The following MRPL38 variants were observed in gnomAD, a reference collection of about 807,000 sequenced individuals.
MRPL38 encodes large ribosomal subunit protein mL38.
Under a neutral mutation model 52.1 loss-of-function variants are expected in MRPL38, and 51 were observed. That is an observed-to-expected ratio of 0.98 (90% CI 0.78 to 1.24). The LOEUF is 1.24. Among genes scored for constraint, MRPL38 ranks in the 50% most tolerant of loss-of-function variants. MRPL38 has a pLI of 0.00. For missense variants in MRPL38, 527 were observed against 518.6 expected, an observed-to-expected ratio of 1.02 and a Z score of -0.16; for synonymous variants, 245 against 212.7, an observed-to-expected ratio of 1.15 and a Z score of -1.32.
intron 2 of MRPL38, 85 bp from the exon 3 acceptor site, chr17:75,902,239 G>T: frequency 7.0e-7 from 1 of 1,419,074 alleles, no homozygotes; most frequent in Non-Finnish European, 9.6e-7. Context: ...GAGTAGCTGG[G>T]GCTACAAGTG....
At chr17:75,900,343 C>A (rs1469236911) in intron 6 of MRPL38, 1 of 152,374 alleles carries the variant, frequency 6.6e-6, no homozygotes. Flanking sequence ...CTCTCCCGCT[C>A]CTTCTCCCAC....
At position 75,899,655 on chromosome 17, in the gene MRPL38, G is replaced by C. The variant is rs753952457; in HGVS notation, c.730C>G (p.Arg244Gly). 1 of 1,580,446 alleles carries C rather than the reference G, an allele frequency of 6.3e-7. No individual in the cohort carries two copies. Among genetic ancestry groups the C allele is most frequent in the Non-Finnish European group, 8.6e-7 (1 of 1,161,568 alleles). ...CACGTCACCTGTCCTTCAGCCACCC[G>C]GTTACCCGGGATGTTGGTTCTGGGA... The part of the protein sequence containing the change: ...HWLLTNIPGN[R>G]VAEGQVTCPY... Residue 244 changes from arginine (R) to glycine (G), a missense_variant, in exon 7 of 9, where the codon CGG becomes GGG. Physicochemically the swap from Arg to Gly is moderately radical, Grantham distance 125. Coordinates refer to ENST00000309352, the MANE Select transcript of MRPL38 (RefSeq NM_032478.4).
At chr17:75,904,171 C>T (rs965048038) in intron 2 of MRPL38, 18 of 486,120 alleles carry the variant, frequency 3.7e-5, no homozygotes, top group Non-Finnish European at 7.5e-5. Context: ...AGGGCGCTTA[C>T]AATCTGGGGA....
chr17:75,903,845 A>G (rs574001979), intron 2 of MRPL38, among the ~76,000 whole-genome samples: 2 of 151,808 alleles, frequency 1.3e-5, no homozygotes, highest in South Asian at 2.1e-4. Flanking sequence ...CCTGCCTCAG[A>G]GGCCTCCCGA....
In MRPL38 at chr17:75,899,351, C is replaced by G. The variant is rs559927433; in HGVS notation, c.870-57G>C. On this transcript the variant is annotated intron_variant, in intron 7 of 8. Coordinates refer to ENST00000309352, the MANE Select transcript of MRPL38 (RefSeq NM_032478.4). The stretch of plus-strand genomic sequence containing the variant: ...GGAGTGGGGCACCAGAGCCCCTCAC[C>G]CCGCCACCCCAACAGGTAACCCTGA... 84 of 1,582,798 alleles carry G rather than the reference C, an allele frequency of 5.3e-5. 1 individual carries two copies. The highest frequency in any genetic ancestry group is 8.6e-7 in the Non-Finnish European group (1 of 1,163,314).
chr17:75,900,422 G>T (rs2065398543), intron 6 of MRPL38: 1 of 152,668 alleles, frequency 6.6e-6, no homozygotes, highest in African/African-American at 2.4e-5. Flanking sequence ...TACAGGTGAA[G>T]AAATGAGTTT....
At position 75,901,131 on chromosome 17, in the gene MRPL38, C is replaced by G; in HGVS notation, c.664+70G>C. ...TGGAGATCTCCACCTGGCCCCTCCC[C>G]CAGCCCCCCAGGGCCCTGGCTCATA... On this transcript the variant is annotated intron_variant, in intron 5 of 8. Coordinates refer to ENST00000309352, the MANE Select transcript of MRPL38 (RefSeq NM_032478.4). This position sits in a 1 kb window ranked among gnomAD's most constrained non-coding sequence, Gnocchi z 5.7. 3 of 1,600,320 alleles carry G rather than the reference C, an allele frequency of 1.9e-6. No individual in the cohort carries two copies. Among genetic ancestry groups the G allele is most frequent in the Non-Finnish European group, 2.6e-6 (3 of 1,174,308 alleles).
intron 6 of MRPL38, chr17:75,900,737 A>C: frequency 7.7e-7 from 1 of 1,295,272 alleles, no homozygotes; most frequent in East Asian, 3.0e-5. Flanking sequence ...AAAAAAAAAA[A>C]AGAAAAGAAA....
At chr17:75,904,308 G>A (rs1016163891) in intron 2 of MRPL38, 1 of 696,184 alleles carries the variant, frequency 1.4e-6, no homozygotes, top group Admixed American at 2.0e-5. Context: ...TTTAGGAGCT[G>A]GAACTCTAAT....
At chr17:75,899,770 C>T (rs1265813316) in intron 6 of MRPL38, 96 bp from the exon 7 acceptor site, 6 of 1,094,472 alleles carry the variant, frequency 5.5e-6, no homozygotes, top group Admixed American at 6.8e-5. Context: ...ACATGACTCC[C>T]TGGGAGGACA....
chr17:75,902,054 A>G lies in MRPL38; in HGVS notation c.348T>C (p.Asn116=), dbSNP rs201406413. The part of the protein sequence containing the change: ...RKQAIQELRA[N]VEEERAARLR... ...GGCGGGCAGCCCGCTCCTCTTCCAC[A>G]TTGGCCCGAAGCTCCTGGATGGCCT... The change falls in exon 3 of 9, where the codon AAT becomes AAC. Residue 116 remains asparagine (N), a synonymous_variant. Coordinates refer to ENST00000309352, the MANE Select transcript of MRPL38 (RefSeq NM_032478.4). 20 of 1,613,084 alleles carry G rather than the reference A, an allele frequency of 1.2e-5. No individual in the cohort carries two copies. The highest frequency in any genetic ancestry group is 3.3e-5 in the Admixed American group (2 of 59,928).
chr17:75,899,137 C>A, intron 8 of MRPL38, 21 bp downstream of exon 8: 2 of 1,591,050 alleles, frequency 1.3e-6, no homozygotes, highest in Non-Finnish European at 1.7e-6. Context: ...CCACCCAGTG[C>A]CCCAGCCCCA....
chr17:75,898,912 G>A lies in MRPL38; in HGVS notation c.1081C>T (p.Gln361Ter). ...TACCGGTCCAGGTAGCGCAGGGGCT[G>A]CCGGTGGGGGAAGCGCTTCTGCTTG... Reference protein sequence around the residue: ...HPKQKRFPHRQPLRYLDRYRD... With the variant: ...HPKQKRFPHR The change falls in exon 9 of 9, where the codon CAG (glutamine) becomes TAG (stop). Residue 361 changes from glutamine to a stop codon, truncating the protein, a stop_gained. Transcript: ENST00000309352. LOFTEE classifies it high-confidence loss of function. The A allele has an allele frequency of 6.2e-7, 1 of 1,611,078 alleles. No homozygotes were observed. Among genetic ancestry groups the A allele is most frequent in the Non-Finnish European group, 8.5e-7 (1 of 1,179,196 alleles).
In MRPL38 at chr17:75,901,077, C is replaced by T. The variant is rs1478265076; in HGVS notation, c.665-50G>A. On this transcript the variant is annotated intron_variant, in intron 5 of 8. Coordinates refer to ENST00000309352, the MANE Select transcript of MRPL38 (RefSeq NM_032478.4). This position sits in a 1 kb window ranked among gnomAD's most constrained non-coding sequence, Gnocchi z 5.7. The stretch of plus-strand genomic sequence containing the variant: ...CACGGCCCAGCCGACCACGGCCCTG[C>T]CACCCCCTCCCTTGTTAGGAGCCAG... 4.4e-6 allele frequency: 7 copies of T among 1,598,984 alleles called. No homozygotes were observed. Among genetic ancestry groups the T allele is most frequent in the Non-Finnish European group, 6.0e-6 (7 of 1,173,724 alleles).
At chr17:75,903,886 G>C (rs918379219) in intron 2 of MRPL38, among the ~76,000 whole-genome samples, 11 of 152,002 alleles carry the variant, frequency 7.2e-5, no homozygotes, top group African/African-American at 2.4e-4. Context: ...GCGACACCAC[G>C]CCCAGTTAAT....
At position 75,898,858 on chromosome 17, in the gene MRPL38, T is replaced by A; in HGVS notation, c.1135A>T (p.Ile379Phe). The A allele has an allele frequency of 1.9e-6, 3 of 1,612,114 alleles. No homozygotes were observed. In the African/African-American group the frequency reaches 4.0e-5, roughly 21 times the overall value. ...GCGCACACTCTGGCTCCTTAGTAGA[T>A]GCCATAGGTGGGCTCATGACTGTCC... ...YRDSHEPTYG[I>F]Y The change falls in exon 9 of 9, where the codon ATC becomes TTC. Residue 379 changes from isoleucine to phenylalanine, a missense_variant. Physicochemically the swap from Ile to Phe is conservative, Grantham distance 21. Transcript: ENST00000309352.
At chr17:75,900,865 C>A in intron 6 of MRPL38, 117 bp downstream of exon 6, 2 of 1,457,430 alleles carry the variant, frequency 1.4e-6, no homozygotes, top group Non-Finnish European at 1.8e-6. Context: ...GCAGAGGTGG[C>A]AGGTGAATTC....
At chr17:75,900,737 AAG>A in intron 6 of MRPL38, 6 of 1,295,254 alleles carry the variant, frequency 4.6e-6, no homozygotes, top group South Asian at 2.3e-5. Context: ...AAAAAAAAAA[AAG>A]AAAAGAAAAG....
chr17:75,904,615 G>A lies in MRPL38; in HGVS notation c.172C>T (p.Arg58Trp), dbSNP rs924641519. 3.1e-5 allele frequency: 50 copies of A among 1,593,322 alleles called. No individual in the cohort carries two copies. In the Admixed American group the frequency reaches 6.6e-4, roughly 21 times the overall value. ...LEKYRSFDRY[R>W]RRAEQEAQAP... ...TGCGCCTCCTGCTCTGCTCGGCGCC[G>A]GTAGCGGTCGAAGCTCCGGTACTTC... The change falls in exon 2 of 9, where the codon CGG becomes TGG. Residue 58 changes from arginine (R) to tryptophan (W), a missense_variant. By Grantham distance (101) the Arg-to-Trp change is moderately radical. Transcript: ENST00000309352.
Sources: allele counts gnomAD v4.1 joint callset (sites outside exome capture counted in the v4.1 genomes callset), GRCh38; gene constraint gnomAD v4.1.1; non-coding constraint Gnocchi (gnomAD v3.1); transcripts MANE v1.5; gene names NCBI Gene and HGNC (gene_info 2026-07-23, HGNC 2026-07-21).